Variants in TRAK1 observed in about 807,000 individuals in gnomAD.
The protein encoded by TRAK1 is trafficking kinesin-binding protein 1.
A neutral mutation model predicts 92.1 loss-of-function variants in TRAK1; 33 were observed. The ratio of observed to expected loss-of-function variants is 0.36; its 90% CI spans 0.27 to 0.48. TRAK1 has a LOEUF of 0.48. TRAK1 is among the 20% of genes least tolerant of loss of function. The probability of loss-of-function intolerance (pLI) is 0.99; values close to 1 mark genes in which losing one functional copy is unlikely to be tolerated. For synonymous variants in TRAK1, 521 were observed against 517.3 expected (o/e 1.01, Z -0.10); for missense variants, 1,123 against 1,257.9 (o/e 0.89, Z 1.62).
intron 1 of TRAK1, among the ~76,000 whole-genome samples, chr3:42,044,402 T>G (rs1045461467): frequency 6.6e-6 from 1 of 152,210 alleles, no homozygotes; most frequent in Non-Finnish European, 1.5e-5. Context: ...GCTCAAGAGA[T>G]CCACTTGCCT....
chr3:42,167,715 C>A (rs1212421628), intron 2 of TRAK1, among the ~76,000 whole-genome samples: 1 of 152,112 alleles, frequency 6.6e-6, no homozygotes, highest in East Asian at 1.9e-4. Context: ...CCTGTCTCTA[C>A]TAAAAATACA....
intron 6 of TRAK1, 130 bp downstream of exon 6, chr3:42,189,254 C>T (rs62257336): frequency 0.053 from 35,067 of 660,734 alleles, 1,617 homozygotes; most frequent in South Asian, 0.17. Context: ...ACCAGGCGCT[C>T]GGCAGATGTG....
chr3:42,128,285 A>G (rs1230568569), intron 2 of TRAK1, among the ~76,000 whole-genome samples: 1 of 152,236 alleles, frequency 6.6e-6, no homozygotes, highest in Non-Finnish European at 1.5e-5. Context: ...TTAAGAAAAA[A>G]GGAGAAATCC....
rs139422295 is a variant in TRAK1 at position 42,149,837 on chromosome 3, G to A, written c.286+24223G>A. 3.8e-3 allele frequency among the ~76,000 whole-genome samples: 586 copies of A among 152,240 alleles called. 4 individuals carry two copies. The highest frequency in any genetic ancestry group is 8.3e-3 in the South Asian group (40 of 4,812). On this transcript the variant is annotated intron_variant, in intron 2 of 15. Coordinates refer to ENST00000327628, the MANE Select transcript of TRAK1 (RefSeq NM_001042646.3). The stretch of plus-strand genomic sequence containing the variant: ...TGATTGTTTGCTTAGAAGGGGAGAT[G>A]GTTTTTGGTGTGCTGGGCTTGTAAG...
chr3:42,164,481 T>C (rs1701635691), intron 2 of TRAK1, among the ~76,000 whole-genome samples: 1 of 152,232 alleles, frequency 6.6e-6, no homozygotes, highest in Non-Finnish European at 1.5e-5. Flanking sequence ...AGTTTGCACT[T>C]GTGTAGAGTC....
chr3:42,118,063 C>T (rs1386705791), intron 1 of TRAK1, among the ~76,000 whole-genome samples: 2 of 151,804 alleles, frequency 1.3e-5, no homozygotes, highest in African/African-American at 2.4e-5. Context: ...TGTGATCCGC[C>T]CACCTTGGCC....
At chr3:42,149,680 T>C in intron 2 of TRAK1, 1 of 1,516,030 alleles carries the variant, frequency 6.6e-7, no homozygotes, top group Non-Finnish European at 8.8e-7. Flanking sequence ...CTGAAACCTT[T>C]AGGGGAGACA....
At chr3:42,085,447 A>T (rs1304995631), upstream of TRAK1, among the ~76,000 whole-genome samples, 1 of 152,108 alleles carries the variant, frequency 6.6e-6, no homozygotes, top group Non-Finnish European at 1.5e-5. Flanking sequence ...GGGATTACAG[A>T]TGTGAGCCAC....
chr3:42,021,527 C>A (rs577229652), intron 1 of TRAK1, among the ~76,000 whole-genome samples: 7 of 152,158 alleles, frequency 4.6e-5, no homozygotes, highest in Non-Finnish European at 4.4e-5. Flanking sequence ...CCCAGCAACT[C>A]CTGTTTATGA....
chr3:42,211,179 TC>T, intron 14 of TRAK1: 1 of 985,324 alleles, frequency 1.0e-6, no homozygotes, highest in Non-Finnish European at 1.2e-6. Context: ...GCCACAACAC[TC>T]CCCTTGAAAT....
rs1703334621 is a variant in TRAK1, at chr3:42,059,406, A to G, written c.-518-27698A>G. 2.0e-5 allele frequency among the ~76,000 whole-genome samples: 3 copies of G among 152,280 alleles called. No individual in the cohort carries two copies. The South Asian group carries it at 6.2e-4, about 32-fold the overall frequency. On this transcript the variant is annotated intron_variant, in intron 1 of 16. Transcript: ENST00000487159. ...CTCCAGGATAGGACCTGAGTTAACC[A>G]TATTTTAGAAAGATAATGACTTGTC...
chr3:42,043,949 C>T (rs932615678), intron 1 of TRAK1, among the ~76,000 whole-genome samples: 1 of 152,030 alleles, frequency 6.6e-6, no homozygotes, highest in African/African-American at 2.4e-5. Flanking sequence ...AAAATTATTT[C>T]TGTGGTCAAG....
intron 6 of TRAK1, among the ~76,000 whole-genome samples, chr3:42,189,872 C>G (rs1020503239): frequency 1.1e-4 from 17 of 152,164 alleles, no homozygotes; most frequent in African/African-American, 4.1e-4. Flanking sequence ...AAAGGTTGAG[C>G]TGAGGCAACT....
At chr3:42,058,477 A>G (rs1352260749) in intron 1 of TRAK1, among the ~76,000 whole-genome samples, 1 of 151,954 alleles carries the variant, frequency 6.6e-6, no homozygotes, top group African/African-American at 2.4e-5. Flanking sequence ...AGCTGGGATT[A>G]CAGGCGCCCC....
intron 2 of TRAK1, among the ~76,000 whole-genome samples, chr3:42,135,451 G>C (rs1697826643): frequency 6.6e-6 from 1 of 152,174 alleles, no homozygotes. Context: ...GAAAAGTCTT[G>C]GCACAGTGGC....
intron 1 of TRAK1, among the ~76,000 whole-genome samples, chr3:42,062,268 G>A (rs1000365966): frequency 1.3e-5 from 2 of 152,148 alleles, no homozygotes; most frequent in Admixed American, 1.3e-4. Context: ...TTATAAAGGA[G>A]TGCCGTATTA....
At chr3:42,209,707 C>A in intron 13 of TRAK1, 60 bp from the exon 14 acceptor site, 1 of 1,532,612 alleles carries the variant, frequency 6.5e-7, no homozygotes, top group Non-Finnish European at 8.9e-7. Context: ...TTGTCTTGGA[C>A]TTCCATCCTA....
chr3:42,223,462 G>A lies in TRAK1; in HGVS notation c.2587G>A (p.Val863Ile), dbSNP rs758702368. The change falls in exon 16 of 16, where the codon GTC (valine) becomes ATC (isoleucine). Residue 863 changes from valine to isoleucine, a missense_variant. Val to Ile is a conservative substitution (Grantham distance 29). Transcript: ENST00000327628. The surrounding 1 kb of genome is among the most constrained non-coding windows in gnomAD (Gnocchi z 6.1). The part of the protein sequence containing the change: ...AKVVNSGRAH[V>I]PTLTEEQGPL... The stretch of plus-strand genomic sequence containing the variant: ...AGTGGTGAACTCAGGGCGAGCCCAT[G>A]TCCCCACCTTGACTGAGGAGCAGGG... The A allele has an allele frequency of 6.2e-7, 1 of 1,613,978 alleles. No individual in the cohort carries two copies. The highest frequency in any genetic ancestry group is 8.5e-7 in the Non-Finnish European group (1 of 1,180,006).
rs924787894 is a variant in TRAK1, at chr3:42,193,262, G to A, written c.900+57G>A. On this transcript the variant is annotated intron_variant, in intron 8 of 15. Transcript: ENST00000327628. ...ACAATGGCCATGCTGAGACGGGGAA[G>A]GGACATTTACTCCAGAAGACAGTGC... is the stretch of plus-strand genomic sequence containing the variant. The A allele has an allele frequency of 1.2e-5, 20 of 1,600,418 alleles. No individual in the cohort carries two copies. The East Asian group carries it at 4.0e-4, about 32-fold the overall frequency.
Sources: allele counts gnomAD v4.1 joint callset (sites outside exome capture counted in the v4.1 genomes callset), GRCh38; gene constraint gnomAD v4.1.1; non-coding constraint Gnocchi (gnomAD v3.1); transcripts MANE v1.5; gene names NCBI Gene and HGNC (gene_info 2026-07-23, HGNC 2026-07-21).